The following ACACA variants were observed in gnomAD, a reference collection of about 807,000 sequenced individuals.
The protein encoded by ACACA is acetyl-CoA carboxylase alpha, also known as acetyl-CoA carboxylase 1.
Under a neutral mutation model 296.1 loss-of-function variants are expected in ACACA, and 103 were observed. That is an observed-to-expected ratio of 0.35 (90% CI 0.30 to 0.41). The LOEUF is 0.41. Among genes scored for constraint, ACACA ranks in the 10% least tolerant of loss-of-function variants. The pLI is 1.00. For synonymous variants in ACACA, 953 were observed against 1,038.6 expected (o/e 0.92, Z 1.58); for missense variants, 1,554 against 2,989.7 (o/e 0.52, Z 11.20).
At chr17:37,374,289 C>CT (rs754001129) in intron 1 of ACACA, among the ~76,000 whole-genome samples, 3,586 of 140,058 alleles carry the variant, frequency 0.026, 127 homozygotes, top group African/African-American at 0.08. Context: ...TTTTTCTTTT[C>CT]TTTTTTTTTT....
In ACACA at chr17:37,274,190, T is replaced by A; in HGVS notation, c.1008+3A>T. 1.2e-6 allele frequency: 2 copies of A among 1,610,618 alleles called. No homozygotes were observed. The highest frequency in any genetic ancestry group is 1.7e-6 in the Non-Finnish European group (2 of 1,176,742). ...GTATCACTCCCTGGAGTTAGTAACC[T>A]ACCTGTAGCCCATCATCCACATCTT... On this transcript the variant is annotated splice_donor_region_variant and intron_variant, in intron 9 of 55. Transcript: ENST00000616317.
At chr17:37,392,949 C>T (rs2050942488) in intron 1 of ACACA, among the ~76,000 whole-genome samples, 1 of 151,916 alleles carries the variant, frequency 6.6e-6, no homozygotes, top group African/African-American at 2.4e-5. Context: ...TTGAGACCAG[C>T]CTGGCCAACA....
At chr17:37,334,090 G>C (rs1355097035) in intron 2 of ACACA, among the ~76,000 whole-genome samples, 1 of 151,948 alleles carries the variant, frequency 6.6e-6, no homozygotes, top group East Asian at 1.9e-4. Flanking sequence ...CCTCAGGAAA[G>C]GTGGAGAAAA....
At chr17:37,381,572 G>A (rs539264183) in intron 1 of ACACA, among the ~76,000 whole-genome samples, 2 of 149,452 alleles carry the variant, frequency 1.3e-5, no homozygotes, top group Admixed American at 6.7e-5. Context: ...TTTTATATTT[G>A]CCTCATTCTT....
chr17:37,325,458 T>C (rs910537566), intron 3 of ACACA, among the ~76,000 whole-genome samples: 1 of 151,878 alleles, frequency 6.6e-6, no homozygotes, highest in Non-Finnish European at 1.5e-5. Flanking sequence ...CTGGCTGATA[T>C]ATCAACCTCT....
At chr17:37,332,607 CAA>C (rs35940399) in intron 2 of ACACA, among the ~76,000 whole-genome samples, 26 of 63,782 alleles carry the variant, frequency 4.1e-4, no homozygotes, top group East Asian at 2.6e-3. Flanking sequence ...CCCATCTGTA[CAA>C]AAAAAAAAAA....
In ACACA at chr17:37,234,213, A is replaced by G. The variant is rs576165915; in HGVS notation, c.3246+762T>C. 5.9e-5 allele frequency among the ~76,000 whole-genome samples: 9 copies of G among 152,362 alleles called. 1 individual carries two copies. The South Asian group carries it at 1.5e-3, about 25-fold the overall frequency. ...GCATGCAGCAGCAAGGCAAATGCTC[A>G]GGACCATGGGGTGAGGGACTCTAGG... is the stretch of plus-strand genomic sequence containing the variant. On this transcript the variant is annotated intron_variant, in intron 25 of 55. Transcript: ENST00000616317.
intron 52 of ACACA, among the ~76,000 whole-genome samples, chr17:37,107,600 G>A (rs529454328): frequency 2.0e-5 from 3 of 152,364 alleles, no homozygotes; most frequent in African/African-American, 7.2e-5. Context: ...CCATGCTGCT[G>A]CTCCCTGTGG....
intron 5 of ACACA, among the ~76,000 whole-genome samples, chr17:37,278,711 A>G (rs1043295693): frequency 2.6e-5 from 4 of 152,038 alleles, no homozygotes; most frequent in Non-Finnish European, 5.9e-5. Context: ...TATCTCATTT[A>G]ATTCTCTCAT....
At chr17:37,202,755 T>C (rs1471118994) in intron 33 of ACACA, among the ~76,000 whole-genome samples, 3 of 140,566 alleles carry the variant, frequency 2.1e-5, no homozygotes, top group African/African-American at 7.9e-5. Flanking sequence ...AAATGCCAAA[T>C]GTCCCTGGAT....
At chr17:37,282,592 G>A (rs1022420199) in intron 5 of ACACA, among the ~76,000 whole-genome samples, 5 of 152,092 alleles carry the variant, frequency 3.3e-5, no homozygotes, top group Middle Eastern at 6.8e-3. Flanking sequence ...AAGTATAAAA[G>A]GATAGCTCTT....
At chr17:37,260,826 C>A (rs1407104221) in intron 11 of ACACA, among the ~76,000 whole-genome samples, 1 of 151,912 alleles carries the variant, frequency 6.6e-6, no homozygotes, top group East Asian at 1.9e-4. Context: ...TTCCACCAGC[C>A]CTGAAAAGCT....
At chr17:37,095,577 C>T (rs1222153806) in intron 54 of ACACA, among the ~76,000 whole-genome samples, 2 of 152,212 alleles carry the variant, frequency 1.3e-5, no homozygotes, top group African/African-American at 4.8e-5. Flanking sequence ...CAGAGTGCCC[C>T]TCTTTGTGGG....
At chr17:37,233,428 C>A (rs867243248) in intron 25 of ACACA, among the ~76,000 whole-genome samples, 27 of 152,314 alleles carry the variant, frequency 1.8e-4, no homozygotes, top group African/African-American at 6.5e-4. Context: ...AGAAACCCAG[C>A]GACAGTCTTG....
chr17:37,328,788 G>A, intron 3 of ACACA: 1 of 397,950 alleles, frequency 2.5e-6, no homozygotes. Flanking sequence ...ATGTTATCTA[G>A]GGTACACCTA....
Position 37,379,984 on chromosome 17 carries a change from A to G in ACACA, c.38+26278T>C, listed in dbSNP as rs2050176037. On this transcript the variant is annotated intron_variant, in intron 1 of 55. Transcript: ENST00000616317. The stretch of plus-strand genomic sequence containing the variant: ...TAAAGACACATGCACACGTATGTTT[A>G]CTGCGGCACTATTCACAATAGCAAA... 7.3e-5 allele frequency among the ~76,000 whole-genome samples: 11 copies of G among 150,862 alleles called. No individual in the cohort carries two copies. In the South Asian group the frequency reaches 2.3e-3, roughly 32 times the overall value.
chr17:37,248,014 T>G lies in ACACA; in HGVS notation c.2306A>C (p.Asp769Ala). Residue 769 changes from aspartate to alanine, a missense_variant, in exon 18 of 56, where the codon GAT becomes GCT. Around this residue, in one of 16 missense-constraint regions of ACACA, gnomAD observed 316 missense variants for 540.9 expected, o/e 0.58. Transcript: ENST00000616317. ...TGGACCTCAAACAGCCACTTACCTA[T>G]CCACTTCCTCTTTCATATACGTAGT... ...SYTTYMKEEV[D>A]RYRITIGNKT... 1 of 1,614,040 alleles carries G rather than the reference T, an allele frequency of 6.2e-7. No homozygotes were observed. Among genetic ancestry groups the G allele is most frequent in the Non-Finnish European group, 8.5e-7 (1 of 1,180,012 alleles).
Position 37,286,450 on chromosome 17 carries a change from C to A in ACACA, c.339-1480G>T, listed in dbSNP as rs566434058. ...TCCAAACCTACCCTTTTATGCTGTG[C>A]TCTGTGACAATGGGGCCAAGATTCT... On this transcript the variant is annotated intron_variant, in intron 3 of 55. Transcript: ENST00000616317. Among the ~76,000 whole-genome samples, 6 of 152,270 alleles carry A rather than the reference C, an allele frequency of 3.9e-5. No homozygotes were observed. The East Asian group carries it at 1.2e-3, about 29-fold the overall frequency.
chr17:37,335,947 C>T (rs568047407), intron 2 of ACACA, among the ~76,000 whole-genome samples: 212 of 152,022 alleles, frequency 1.4e-3, no homozygotes, highest in African/African-American at 4.4e-3. Flanking sequence ...TCGAATATAA[C>T]GTAGAGCAAA....
Sources: gnomAD v4.1 joint callset for allele counts (sites outside exome capture counted in the v4.1 genomes callset) on GRCh38, gnomAD v4.1.1 for gene constraint, gnomAD v4.1.1 regional missense constraint, MANE v1.5 for transcripts, NCBI Gene and HGNC (gene_info 2026-07-23, HGNC 2026-07-21) for gene names.